Variants in PRKG1 observed in about 807,000 individuals in gnomAD.
The protein encoded by PRKG1 is protein kinase cGMP-dependent 1, also known as cGMP-dependent protein kinase 1.
In PRKG1, 35 loss-of-function variants were observed where a neutral mutation model predicts 88.1. The observed-to-expected ratio is 0.40, with a 90% CI of 0.30 to 0.53. The LOEUF (loss-of-function observed/expected upper bound fraction) is 0.53. Ranked by LOEUF, PRKG1 falls within the 20% of genes least tolerant of loss-of-function variation. PRKG1 has a pLI of 0.59. For synonymous variants in PRKG1, 303 were observed against 292.5 expected (o/e 1.04, Z -0.37); for missense variants, 540 against 839.8 (o/e 0.64, Z 4.41).
chr10:51,365,432 G>C (rs573698075), intron 2 of PRKG1, among the ~76,000 whole-genome samples: 37 of 152,032 alleles, frequency 2.4e-4, no homozygotes, highest in African/African-American at 8.2e-4. Context: ...TGAGATAAGA[G>C]GAAATCAACT....
At chr10:52,241,399 C>T (rs1307987439) in intron 9 of PRKG1, among the ~76,000 whole-genome samples, 1 of 152,090 alleles carries the variant, frequency 6.6e-6, no homozygotes, top group Non-Finnish European at 1.5e-5. Flanking sequence ...TAGACATGTC[C>T]AATGCAAACC....
At position 51,737,745 on chromosome 10, in the gene PRKG1, TTATTA is replaced by T. The variant is rs1421818603; in HGVS notation, c.593-66838_593-66834del. On this transcript the variant is annotated intron_variant, in intron 3 of 17. Transcript: ENST00000373980. ...TATTTATTTATTTATTTATTAATTATTATTATTATTATTATTATTATTATTATTAT... is the reference window on the plus strand; with the variant it reads ...TATTTATTTATTTATTTATTAATTATTTATTATTATTATTATTATTATTAT... Among the ~76,000 whole-genome samples the T allele has an allele frequency of 2.2e-4, 26 of 118,640 alleles. No homozygotes were observed. In the South Asian group the frequency reaches 5.1e-3, roughly 23 times the overall value. 77.8% of individuals were successfully genotyped at this position (118,640 alleles called of 152,430 possible).
chr10:52,243,174 T>A (rs1484098597), intron 9 of PRKG1, among the ~76,000 whole-genome samples: 1 of 152,188 alleles, frequency 6.6e-6, no homozygotes, highest in African/African-American at 2.4e-5. Context: ...AACCACGTTG[T>A]AGGCAAGAAC....
intron 8 of PRKG1, among the ~76,000 whole-genome samples, chr10:52,146,059 T>A (rs1323418970): frequency 6.6e-6 from 1 of 152,168 alleles, no homozygotes; most frequent in Non-Finnish European, 1.5e-5. Flanking sequence ...GGTGTTGTCC[T>A]CCTAGCTGCA....
chr10:51,006,773 T>C (rs1179277973), intron 1 of PRKG1, among the ~76,000 whole-genome samples: 3 of 152,082 alleles, frequency 2.0e-5, no homozygotes, highest in Non-Finnish European at 4.4e-5. Context: ...TTAGAAACTT[T>C]TGTATAGTGA....
chr10:51,494,972 AT>A (rs1564522239), intron 3 of PRKG1, among the ~76,000 whole-genome samples: 1 of 152,108 alleles, frequency 6.6e-6, no homozygotes, highest in Admixed American at 6.6e-5. Context: ...TGTATTGCCC[AT>A]TTTTGCTGAA....
chr10:52,263,561 C>T (rs1841488100), intron 10 of PRKG1, among the ~76,000 whole-genome samples: 1 of 151,664 alleles, frequency 6.6e-6, no homozygotes, highest in Non-Finnish European at 1.5e-5. Flanking sequence ...GAAATACTCT[C>T]CATTCCAATC....
intron 2 of PRKG1, among the ~76,000 whole-genome samples, chr10:51,367,119 A>C (rs1010653496): frequency 2.6e-4 from 39 of 151,966 alleles, no homozygotes; most frequent in African/African-American, 9.4e-4. Flanking sequence ...TTCATTTAGA[A>C]ACTAAGACTC....
At chr10:51,870,115 T>C (rs1336890435) in intron 4 of PRKG1, among the ~76,000 whole-genome samples, 2 of 152,174 alleles carry the variant, frequency 1.3e-5, no homozygotes, top group Non-Finnish European at 2.9e-5. Flanking sequence ...ATGTCTGTGA[T>C]GGCTTTTTCT....
At chr10:52,006,875 A>G (rs150356376) in intron 5 of PRKG1, among the ~76,000 whole-genome samples, 51 of 152,292 alleles carry the variant, frequency 3.3e-4, no homozygotes, top group African/African-American at 1.2e-3. Context: ...GCAGCTGGAG[A>G]GAAGGGGTGG....
intron 3 of PRKG1, among the ~76,000 whole-genome samples, chr10:51,553,550 C>A (rs1837194827): frequency 6.6e-6 from 1 of 151,538 alleles, no homozygotes; most frequent in Admixed American, 6.6e-5. Flanking sequence ...TGCTTCAAAT[C>A]TTGCCTCTTT....
At chr10:51,208,842 A>G (rs1838134917) in intron 2 of PRKG1, among the ~76,000 whole-genome samples, 1 of 152,156 alleles carries the variant, frequency 6.6e-6, no homozygotes, top group Admixed American at 6.5e-5. Flanking sequence ...CCTGCCTCGA[A>G]TGGAATAGGA....
chr10:51,537,526 T>A (rs1842187329), intron 3 of PRKG1, among the ~76,000 whole-genome samples: 1 of 151,522 alleles, frequency 6.6e-6, no homozygotes, highest in Non-Finnish European at 1.5e-5. Context: ...AGATCAGGAG[T>A]TGGAGACCAG....
intron 2 of PRKG1, among the ~76,000 whole-genome samples, chr10:51,422,874 C>T (rs1838456201): frequency 6.6e-6 from 1 of 151,854 alleles, no homozygotes; most frequent in Non-Finnish European, 1.5e-5. Flanking sequence ...AGGAATTATT[C>T]AGACACTGCT....
chr10:51,653,925 T>C (rs1183584592), intron 3 of PRKG1, among the ~76,000 whole-genome samples: 1 of 152,228 alleles, frequency 6.6e-6, no homozygotes, highest in Non-Finnish European at 1.5e-5. Flanking sequence ...GAGTTCCCTA[T>C]ATATTTTGAA....
chr10:51,325,644 T>C (rs1471192368), intron 2 of PRKG1, among the ~76,000 whole-genome samples: 1 of 152,206 alleles, frequency 6.6e-6, no homozygotes, highest in African/African-American at 2.4e-5. Context: ...TATATTTGCT[T>C]TTGTTGCTTG....
chr10:52,109,574 C>T (rs1275867166), intron 7 of PRKG1, among the ~76,000 whole-genome samples: 1 of 152,100 alleles, frequency 6.6e-6, no homozygotes, highest in Admixed American at 6.5e-5. Flanking sequence ...CAAGACCAGC[C>T]TGGCCAACAT....
chr10:51,207,524 G>A (rs182571003), intron 2 of PRKG1, among the ~76,000 whole-genome samples: 11 of 151,514 alleles, frequency 7.3e-5, no homozygotes, highest in African/African-American at 2.7e-4. Context: ...TAATTCTCTC[G>A]GGCTTGTGGA....
At chr10:52,099,686 T>G (rs984615709) in intron 7 of PRKG1, among the ~76,000 whole-genome samples, 3 of 152,218 alleles carry the variant, frequency 2.0e-5, no homozygotes, top group Non-Finnish European at 4.4e-5. Context: ...CAGGGTCATC[T>G]ATAAGATGTT....
Sources: gnomAD v4.1 joint callset for allele counts (sites outside exome capture counted in the v4.1 genomes callset) on GRCh38, gnomAD v4.1.1 for gene constraint, MANE v1.5 for transcripts, NCBI Gene and HGNC (gene_info 2026-07-23, HGNC 2026-07-21) for gene names.